Variants in PRKG1 observed in about 807,000 individuals in gnomAD.
The protein encoded by PRKG1 is cGMP-dependent protein kinase 1.
In PRKG1, 35 loss-of-function variants were observed where a neutral mutation model predicts 88.1. The observed-to-expected ratio is 0.40, with a 90% CI of 0.30 to 0.53. The LOEUF is 0.53. PRKG1 is among the 20% of genes least tolerant of loss of function. The pLI, the probability that PRKG1 is intolerant of heterozygous loss-of-function variation, is 0.59. For synonymous variants in PRKG1, 303 were observed against 292.5 expected (o/e 1.04, Z -0.37); for missense variants, 540 against 839.8 (o/e 0.64, Z 4.41).
chr10:51,571,069 C>A lies in PRKG1; in HGVS notation c.592+103233C>A, dbSNP rs552352148. Among the ~76,000 whole-genome samples the A allele has an allele frequency of 9.9e-5, 15 of 152,086 alleles. No individual in the cohort carries two copies. The South Asian group carries it at 2.9e-3, about 29-fold the overall frequency. ...TGAATCTTGCTTCACCACTTATCAG[C>A]ATGTACTCCTATGCAAGTTGTTTAG... is the stretch of plus-strand genomic sequence containing the variant. On this transcript the variant is annotated intron_variant, in intron 3 of 17. Transcript: ENST00000373980.
intron 6 of PRKG1, among the ~76,000 whole-genome samples, chr10:52,060,109 A>C (rs1228144473): frequency 2.0e-5 from 3 of 151,864 alleles, no homozygotes; most frequent in African/African-American, 7.2e-5. Context: ...TGTCAGTGTA[A>C]GAATGGTGAG....
chr10:52,078,806 A>C (rs1397823648), intron 7 of PRKG1, among the ~76,000 whole-genome samples: 1 of 152,254 alleles, frequency 6.6e-6, no homozygotes, highest in African/African-American at 2.4e-5. Flanking sequence ...GTGCTGCTTA[A>C]CCAAATAATT....
intron 2 of PRKG1, among the ~76,000 whole-genome samples, chr10:51,443,899 A>G (rs1249188695): frequency 6.6e-6 from 1 of 152,062 alleles, no homozygotes; most frequent in African/African-American, 2.4e-5. Context: ...TCAACAATAA[A>G]GCAACCCATC....
At chr10:52,013,426 A>G (rs1360400218) in intron 5 of PRKG1, among the ~76,000 whole-genome samples, 1 of 150,450 alleles carries the variant, frequency 6.6e-6, no homozygotes. Context: ...CTCAAAAAAA[A>G]AAAAAAGAAA....
chr10:51,241,089 C>T (rs1238362285), intron 2 of PRKG1, among the ~76,000 whole-genome samples: 3 of 151,990 alleles, frequency 2.0e-5, no homozygotes, highest in Non-Finnish European at 2.9e-5. Flanking sequence ...TGAAGTAGGT[C>T]CTATTAGGAT....
intron 2 of PRKG1, among the ~76,000 whole-genome samples, chr10:51,198,963 G>C (rs920553350): frequency 5.9e-5 from 9 of 152,200 alleles, no homozygotes; most frequent in African/African-American, 2.2e-4. Context: ...GAAATCTTAT[G>C]CCTTGGAGAA....
chr10:51,209,253 G>A (rs1365673176), intron 2 of PRKG1, among the ~76,000 whole-genome samples: 3 of 152,094 alleles, frequency 2.0e-5, no homozygotes, highest in Non-Finnish European at 4.4e-5. Context: ...CTTTATTGGT[G>A]TAAGAGTGTA....
At chr10:51,768,015 AAAAATAAAT>A (rs2132539651) in intron 3 of PRKG1, among the ~76,000 whole-genome samples, 1 of 148,722 alleles carries the variant, frequency 6.7e-6, no homozygotes, top group East Asian at 1.9e-4. Context: ...TAATTAAAAA[AAAAATAAAT>A]AAATAAAAAA....
intron 7 of PRKG1, among the ~76,000 whole-genome samples, chr10:52,090,745 G>A (rs757691683): frequency 6.6e-6 from 1 of 152,154 alleles, no homozygotes; most frequent in Non-Finnish European, 1.5e-5. Context: ...TAATTAGAAT[G>A]CCTTTTTCCA....
At chr10:51,108,666 T>A (rs1365373948) in intron 1 of PRKG1, among the ~76,000 whole-genome samples, 2 of 152,172 alleles carry the variant, frequency 1.3e-5, no homozygotes, top group Admixed American at 6.5e-5. Flanking sequence ...ACAGCTAACA[T>A]CATACTTAAT....
chr10:52,128,561 T>C, intron 7 of PRKG1: 1 of 985,390 alleles, frequency 1.0e-6, no homozygotes, highest in Middle Eastern at 5.2e-4. Context: ...CGGAAACCTA[T>C]ATTTGCAAAT....
intron 5 of PRKG1, among the ~76,000 whole-genome samples, chr10:51,926,395 G>A (rs2132992211): frequency 6.6e-6 from 1 of 152,244 alleles, no homozygotes; most frequent in Non-Finnish European, 1.5e-5. Context: ...AATTGATTCA[G>A]CAAGCTTTGT....
At chr10:52,220,493 G>A (rs1004315147) in intron 9 of PRKG1, among the ~76,000 whole-genome samples, 5 of 151,880 alleles carry the variant, frequency 3.3e-5, no homozygotes, top group Admixed American at 1.3e-4. Flanking sequence ...GGGGTATGTC[G>A]TACAGATTAT....
At chr10:51,881,132 A>G (rs1841427695) in intron 4 of PRKG1, among the ~76,000 whole-genome samples, 1 of 151,990 alleles carries the variant, frequency 6.6e-6, no homozygotes. Context: ...GTTATATTTG[A>G]GAATTGAAAA....
chr10:51,820,110 C>G (rs1176792474), intron 4 of PRKG1, among the ~76,000 whole-genome samples: 1 of 151,864 alleles, frequency 6.6e-6, no homozygotes, highest in African/African-American at 2.4e-5. Context: ...CCAAAAATAC[C>G]TAATGTCAGA....
intron 7 of PRKG1, among the ~76,000 whole-genome samples, chr10:52,118,525 G>A (rs914533278): frequency 1.3e-5 from 2 of 151,882 alleles, no homozygotes; most frequent in South Asian, 2.1e-4. Flanking sequence ...GATAGGTGCT[G>A]AGCCAGTAAG....
At chr10:51,972,274 T>C (rs937663571) in intron 5 of PRKG1, among the ~76,000 whole-genome samples, 2 of 152,320 alleles carry the variant, frequency 1.3e-5, no homozygotes, top group Admixed American at 6.5e-5. Context: ...TCAGATAGTT[T>C]AAAAGTATTC....
chr10:51,949,678 GGTGGTAGCT>G (rs1350538383), intron 5 of PRKG1, among the ~76,000 whole-genome samples: 1 of 152,008 alleles, frequency 6.6e-6, no homozygotes, highest in Non-Finnish European at 1.5e-5. Flanking sequence ...TTGCTTCCAG[GGTGGTAGCT>G]GTGATAAAAT....
intron 3 of PRKG1, among the ~76,000 whole-genome samples, chr10:51,799,791 G>A (rs1055831174): frequency 1.3e-5 from 2 of 152,040 alleles, no homozygotes; most frequent in African/African-American, 2.4e-5. Context: ...TTTTCCTCCA[G>A]GACTTGCTTA....
Sources: allele counts gnomAD v4.1 joint callset (sites outside exome capture counted in the v4.1 genomes callset), GRCh38; gene constraint gnomAD v4.1.1; transcripts MANE v1.5; gene names NCBI Gene and HGNC (gene_info 2026-07-23, HGNC 2026-07-21).